Variants in MGAT5 observed in about 807,000 individuals in gnomAD.
The protein encoded by MGAT5 is alpha-1,6-mannosylglycoprotein 6-beta-N-acetylglucosaminyltransferase.
In MGAT5, 30 loss-of-function variants were observed where a neutral mutation model predicts 94.3. The observed-to-expected ratio is 0.32, with a 90% CI of 0.24 to 0.43. The LOEUF is 0.43. Among genes scored for constraint, MGAT5 ranks in the 20% least tolerant of loss-of-function variants. The pLI is 1.00. For missense variants in MGAT5, 691 were observed against 905.5 expected (o/e 0.76, Z 3.04); for synonymous variants, 310 against 322.9 (o/e 0.96, Z 0.43).
intron 1 of MGAT5, among the ~76,000 whole-genome samples, chr2:134,140,254 A>C (rs1686597970): frequency 6.6e-6 from 1 of 152,246 alleles, no homozygotes. Flanking sequence ...GAGAAGGCAA[A>C]GCCAACAGAG....
At chr2:134,405,580 C>T (rs1042106707) in intron 11 of MGAT5, among the ~76,000 whole-genome samples, 4 of 152,318 alleles carry the variant, frequency 2.6e-5, no homozygotes, top group African/African-American at 9.6e-5. Context: ...AATTTAAAAG[C>T]GATTTATTCT....
At chr2:134,248,433 T>G (rs1286693841) in intron 1 of MGAT5, among the ~76,000 whole-genome samples, 1 of 152,198 alleles carries the variant, frequency 6.6e-6, no homozygotes, top group East Asian at 1.9e-4. Flanking sequence ...GGAGCTTTCC[T>G]CAGTCTAGGG....
rs190069757 is a variant in MGAT5 at position 134,270,267 on chromosome 2, T to C, written c.242-119T>C. 59 of 975,556 alleles carry C rather than the reference T, an allele frequency of 6.0e-5. No homozygotes were observed. The East Asian group carries it at 1.2e-3, about 20-fold the overall frequency. The allele number at this position is 975,556 out of a possible 1,614,324, so 60.4% of individuals were successfully genotyped here. A position where few individuals can be genotyped will look rare whatever the true frequency, so the allele number is the denominator to read the frequency against. On this transcript the variant is annotated intron_variant, in intron 1 of 15. Transcript: ENST00000281923. ...CATCTTTCAGATGTGGTTTGACAGA[T>C]CTTTTGTATCACTTCAGAAACATTT...
intron 13 of MGAT5, 86 bp from the exon 14 acceptor site, chr2:134,428,279 C>G: frequency 8.0e-7 from 1 of 1,253,326 alleles, no homozygotes; most frequent in African/African-American, 1.5e-5. Context: ...GTGTTAGCAC[C>G]CGTGTATTGA....
intron 1 of MGAT5, among the ~76,000 whole-genome samples, chr2:134,133,493 A>G (rs1382125480): frequency 6.6e-6 from 1 of 152,226 alleles, no homozygotes; most frequent in Non-Finnish European, 1.5e-5. Flanking sequence ...ATTTATTGTC[A>G]GTGAGAATGG....
chr2:134,287,782 C>G (rs1048199859), intron 2 of MGAT5, among the ~76,000 whole-genome samples: 4 of 152,148 alleles, frequency 2.6e-5, no homozygotes, highest in African/African-American at 7.2e-5. Flanking sequence ...GAGAGTAAGC[C>G]TTTGCTATTT....
At chr2:134,240,305 A>C (rs1030779065) in intron 1 of MGAT5, among the ~76,000 whole-genome samples, 1 of 151,926 alleles carries the variant, frequency 6.6e-6, no homozygotes, top group African/African-American at 2.4e-5. Flanking sequence ...GGTGGCTCTC[A>C]TCCCCTAGGG....
At chr2:134,427,732 G>T (rs914621155) in intron 13 of MGAT5, among the ~76,000 whole-genome samples, 4 of 152,198 alleles carry the variant, frequency 2.6e-5, no homozygotes, top group African/African-American at 9.7e-5. Flanking sequence ...GTAGAAGTCT[G>T]CTTTGACCCT....
In MGAT5 at chr2:134,191,840, C is replaced by T. The variant is rs1163764258; in HGVS notation, c.-142-62422C>T. ...TTCCTGATGGGTGGGTGGATTCGCG[C>T]CCTCCTCCTCCTGCTCGCGCCAGCG... On this transcript the variant is annotated intron_variant, in intron 1 of 16. Transcript: ENST00000409645. 6.8e-5 allele frequency among the ~76,000 whole-genome samples: 10 copies of T among 146,274 alleles called. 1 individual carries two copies. Among genetic ancestry groups the T allele is most frequent in the Middle Eastern group, 8.8e-3 (2 of 228 alleles).
chr2:134,449,002 C>T lies in MGAT5; in HGVS notation c.*155C>T, dbSNP rs1012861275. The T allele has an allele frequency of 4.2e-5, 30 of 712,268 alleles. No individual in the cohort carries two copies. Among genetic ancestry groups the T allele is most frequent in the African/African-American group, 4.1e-4 (23 of 56,348 alleles). 44.1% of individuals were successfully genotyped at this position (712,268 alleles called of 1,614,324 possible). A position where few individuals can be genotyped will look rare whatever the true frequency, so the allele number is the denominator to read the frequency against. The stretch of plus-strand genomic sequence containing the variant: ...AATTGGCATTGCCCTTGCTGCACTC[C>T]GAGCAACCCAGTGGAGTCTTCACCA... On this transcript the variant is annotated 3_prime_UTR_variant, in exon 16 of 16. Transcript: ENST00000281923.
intron 1 of MGAT5, among the ~76,000 whole-genome samples, chr2:134,168,155 C>A (rs1277087381): frequency 6.6e-6 from 1 of 152,146 alleles, no homozygotes; most frequent in African/African-American, 2.4e-5. Context: ...TAATTGCTAA[C>A]ATTTGTGGAA....
At chr2:134,120,383 G>C (rs1179696162) in intron 1 of MGAT5, 1 of 368,842 alleles carries the variant, frequency 2.7e-6, no homozygotes, top group Non-Finnish European at 4.8e-6. Flanking sequence ...GGGGCACGGG[G>C]AACCAGGCGC....
chr2:134,311,714 G>A (rs1310355869), intron 2 of MGAT5, among the ~76,000 whole-genome samples: 1 of 152,096 alleles, frequency 6.6e-6, no homozygotes, highest in Non-Finnish European at 1.5e-5. Context: ...CATATTTCCA[G>A]ATCTCCTTTG....
intron 1 of MGAT5, among the ~76,000 whole-genome samples, chr2:134,262,900 A>G (rs976390496): frequency 9.2e-5 from 14 of 152,214 alleles, no homozygotes; most frequent in African/African-American, 2.9e-4. Flanking sequence ...GCTCTGTTTC[A>G]GAAGAGGTCA....
intron 1 of MGAT5, among the ~76,000 whole-genome samples, chr2:134,242,989 C>T (rs1439007246): frequency 6.6e-6 from 1 of 151,228 alleles, no homozygotes; most frequent in Admixed American, 6.6e-5. Flanking sequence ...AACAAGCCTA[C>T]CTTGGCAGAT....
intron 10 of MGAT5, among the ~76,000 whole-genome samples, chr2:134,384,716 G>A (rs771525720): frequency 6.6e-6 from 1 of 152,146 alleles, no homozygotes; most frequent in Non-Finnish European, 1.5e-5. Flanking sequence ...GATTCAAAGT[G>A]ATAGAATTTA....
intron 1 of MGAT5, among the ~76,000 whole-genome samples, chr2:134,189,039 G>T (rs1186547382): frequency 6.6e-6 from 1 of 152,190 alleles, no homozygotes; most frequent in Non-Finnish European, 1.5e-5. Flanking sequence ...CTTGTCCCTT[G>T]GAACTAGGGT....
At chr2:134,310,719 C>A (rs1402316207) in intron 2 of MGAT5, among the ~76,000 whole-genome samples, 1 of 152,080 alleles carries the variant, frequency 6.6e-6, no homozygotes, top group Non-Finnish European at 1.5e-5. Flanking sequence ...TTTTATGGTG[C>A]AAAAGTAAAG....
chr2:134,126,885 CTT>C (rs112394718), intron 1 of MGAT5, among the ~76,000 whole-genome samples: 2 of 144,416 alleles, frequency 1.4e-5, no homozygotes, highest in Non-Finnish European at 1.5e-5. Flanking sequence ...CTTGCAGCTG[CTT>C]TTTTTTTTTT....
Sources: gnomAD v4.1 joint callset for allele counts (sites outside exome capture counted in the v4.1 genomes callset) on GRCh38, gnomAD v4.1.1 for gene constraint, MANE v1.5 for transcripts, NCBI Gene and HGNC (gene_info 2026-07-23, HGNC 2026-07-21) for gene names.